TBC1D14: variants seen among roughly 807,000 people sequenced by gnomAD.
TBC1D14 encodes TBC1 domain family member 14.
Under a neutral mutation model 79.0 loss-of-function variants are expected in TBC1D14, and 26 were observed. The observed-to-expected ratio is 0.33, with a 90% CI of 0.24 to 0.46. TBC1D14 has a LOEUF of 0.46. Ranked by LOEUF, TBC1D14 falls within the 20% of genes least tolerant of loss-of-function variation. The pLI, the probability that TBC1D14 is intolerant of heterozygous loss-of-function variation, is 1.00. For synonymous variants in TBC1D14, 394 were observed against 349.9 expected, an observed-to-expected ratio of 1.13 and a Z score of -1.40; for missense variants, 769 against 887.6, an observed-to-expected ratio of 0.87 and a Z score of 1.70.
intron 12 of TBC1D14, among the ~76,000 whole-genome samples, chr4:7,015,049 G>A (rs1191418327): frequency 6.6e-6 from 1 of 152,160 alleles, no homozygotes; most frequent in Non-Finnish European, 1.5e-5. Context: ...GGGCACTGTA[G>A]CCAGGTCTGG....
intron 12 of TBC1D14, among the ~76,000 whole-genome samples, chr4:7,018,874 A>G (rs1721534089): frequency 6.6e-6 from 1 of 152,252 alleles, no homozygotes; most frequent in Admixed American, 6.5e-5. Context: ...CAGTGGCAGA[A>G]TTATCTAGAG....
At chr4:7,003,340 G>T (rs1719856839) in intron 7 of TBC1D14, among the ~76,000 whole-genome samples, 1 of 152,186 alleles carries the variant, frequency 6.6e-6, no homozygotes, top group Admixed American at 6.5e-5. Context: ...CCACACAGTG[G>T]TTTTCATCCA....
chr4:6,913,633 G>C (rs1723171651), intron 1 of TBC1D14, among the ~76,000 whole-genome samples: 1 of 152,096 alleles, frequency 6.6e-6, no homozygotes, highest in Middle Eastern at 3.2e-3. Context: ...CCGCATGCTT[G>C]GTGCATGCTA....
rs139334951 is a variant in TBC1D14, at chr4:6,976,025, G to A, written c.843+8601G>A. Among the ~76,000 whole-genome samples the A allele has an allele frequency of 4.5e-3, 689 of 152,322 alleles. 1 individual carries two copies. The highest frequency in any genetic ancestry group is 0.024 in the Middle Eastern group (7 of 294). On this transcript the variant is annotated intron_variant, in intron 3 of 13. Transcript: ENST00000409757. Reference sequence around the variant, plus strand: ...GGAGAATCACTTGAACCCAGGAGCCGGAGGTTGCAGTGAGCCGAGATCGTG... The same window carrying A: ...GGAGAATCACTTGAACCCAGGAGCCAGAGGTTGCAGTGAGCCGAGATCGTG...
At chr4:6,919,768 G>GC (rs1723692140) in intron 1 of TBC1D14, among the ~76,000 whole-genome samples, 1 of 152,024 alleles carries the variant, frequency 6.6e-6, no homozygotes. Flanking sequence ...TTACAGGCGT[G>GC]CGCCACCATG....
At chr4:7,020,671 C>T (rs1221040792) in intron 12 of TBC1D14, among the ~76,000 whole-genome samples, 2 of 152,156 alleles carry the variant, frequency 1.3e-5, no homozygotes, top group African/African-American at 4.8e-5. Context: ...CCACAGCCTC[C>T]CTTTATTTGG....
intron 3 of TBC1D14, among the ~76,000 whole-genome samples, chr4:6,969,875 C>G (rs887663897): frequency 6.6e-6 from 1 of 152,134 alleles, no homozygotes; most frequent in East Asian, 1.9e-4. Context: ...AACTTACCTG[C>G]GCGAGTCATT....
At chr4:6,917,381 G>C (rs560613444) in intron 1 of TBC1D14, among the ~76,000 whole-genome samples, 6 of 152,344 alleles carry the variant, frequency 3.9e-5, no homozygotes, top group African/African-American at 1.4e-4. Context: ...TAAAATAGCT[G>C]TTTCAGGTGG....
At chr4:7,016,393 G>A (rs1044387083) in intron 12 of TBC1D14, among the ~76,000 whole-genome samples, 1 of 152,206 alleles carries the variant, frequency 6.6e-6, no homozygotes, top group African/African-American at 2.4e-5. Flanking sequence ...TCCTGCACAG[G>A]CTGCCCCACC....
At chr4:7,026,900 A>T (rs533768750) in intron 13 of TBC1D14, among the ~76,000 whole-genome samples, 2 of 152,104 alleles carry the variant, frequency 1.3e-5, no homozygotes, top group Non-Finnish European at 2.9e-5. Flanking sequence ...CTGTCTTAAA[A>T]AAACAAACAA....
intron 12 of TBC1D14, among the ~76,000 whole-genome samples, chr4:7,022,021 G>T (rs1721885159): frequency 6.6e-6 from 1 of 152,266 alleles, no homozygotes; most frequent in South Asian, 2.1e-4. Context: ...CCTGTTCACG[G>T]CTGGCTTTCA....
intron 2 of TBC1D14, among the ~76,000 whole-genome samples, chr4:6,963,705 C>G (rs1715452293): frequency 6.6e-6 from 1 of 152,180 alleles, no homozygotes; most frequent in African/African-American, 2.4e-5. Context: ...GCCTCTAACC[C>G]ACAAAAAAAT....
At chr4:6,974,872 CTTTT>C (rs1560297546) in intron 3 of TBC1D14, among the ~76,000 whole-genome samples, 2 of 151,596 alleles carry the variant, frequency 1.3e-5, no homozygotes, top group African/African-American at 4.8e-5. Context: ...ATAGGATCGT[CTTTT>C]TTTGTGTGTC....
chr4:6,971,320 C>G (rs888663073), intron 3 of TBC1D14, among the ~76,000 whole-genome samples: 37 of 152,278 alleles, frequency 2.4e-4, no homozygotes, highest in African/African-American at 8.9e-4. Context: ...AGTGAGTCGC[C>G]CGGCGTTACT....
chr4:7,017,243 T>C (rs1052993774), intron 12 of TBC1D14, among the ~76,000 whole-genome samples: 2 of 151,482 alleles, frequency 1.3e-5, no homozygotes, highest in Non-Finnish European at 2.9e-5. Flanking sequence ...GAGGTTGCAG[T>C]GAGCCGAGAT....
intron 1 of TBC1D14, among the ~76,000 whole-genome samples, chr4:6,920,888 C>G (rs925941104): frequency 6.6e-6 from 1 of 152,128 alleles, no homozygotes; most frequent in African/African-American, 2.4e-5. Flanking sequence ...AAGCAATTCT[C>G]CTTCCTCAGC....
At position 7,030,453 on chromosome 4, in the gene TBC1D14, G is replaced by A. The variant is rs11546450; in HGVS notation, c.*61G>A. ...AGCCCCATGCCGCGGCCCCTCTGTT[G>A]TTTCAGACTGACACCCGGGCAGCCG... is the stretch of plus-strand genomic sequence containing the variant. On this transcript the variant is annotated 3_prime_UTR_variant, in exon 14 of 14. Transcript: ENST00000409757. The A allele has an allele frequency of 0.083, 129,696 of 1,563,826 alleles. 6,213 individuals are homozygous for A. Among genetic ancestry groups the A allele is most frequent in the African/African-American group, 0.19 (14,406 of 74,074 alleles).
intron 2 of TBC1D14, among the ~76,000 whole-genome samples, chr4:6,955,600 C>T (rs1313656931): frequency 6.6e-6 from 1 of 152,162 alleles, no homozygotes; most frequent in Non-Finnish European, 1.5e-5. Flanking sequence ...GCTTTGGAAT[C>T]GGAAGTTGCC....
chr4:6,940,059 G>A (rs1009585198), intron 2 of TBC1D14, among the ~76,000 whole-genome samples: 1 of 152,110 alleles, frequency 6.6e-6, no homozygotes, highest in Non-Finnish European at 1.5e-5. Flanking sequence ...GCCTGGAGTC[G>A]TATATTGGGG....
Sources: gnomAD v4.1 joint callset for allele counts (sites outside exome capture counted in the v4.1 genomes callset) on GRCh38, gnomAD v4.1.1 for gene constraint, MANE v1.5 for transcripts, NCBI Gene and HGNC (gene_info 2026-07-23, HGNC 2026-07-21) for gene names.